Variants in ANO1 observed in about 807,000 individuals in gnomAD.
The protein encoded by ANO1 is anoctamin 1, also known as anoctamin-1.
In ANO1, 59 loss-of-function variants were observed where a neutral mutation model predicts 124.0. That is an observed-to-expected ratio of 0.48 (90% CI 0.39 to 0.59). The LOEUF is 0.59. ANO1 is among the 20% of genes least tolerant of loss of function. The pLI is 0.00. For missense variants in ANO1, 1,059 were observed against 1,328.0 expected, an observed-to-expected ratio of 0.80 and a Z score of 3.15; for synonymous variants, 529 against 532.0, an observed-to-expected ratio of 0.99 and a Z score of 0.08.
Position 70,087,868 on chromosome 11 carries a change from C to G in ANO1, c.225C>G (p.Gly75=). ...TGTACCATCACAAGAGGCCCTCGGG[C>G]AACCGGACCCTGGTCAGGAGGGTGC... ...ILVYHHKRPS[G]NRTLVRRVQH... Residue 75 remains glycine (G), a synonymous_variant, in exon 2 of 26, where the codon GGC becomes GGG. Transcript: ENST00000355303. The G allele has an allele frequency of 6.2e-7, 1 of 1,612,596 alleles. No individual in the cohort carries two copies. Among genetic ancestry groups the G allele is most frequent in the Non-Finnish European group, 8.5e-7 (1 of 1,179,628 alleles).
chr11:70,182,437 C>A, intron 23 of ANO1, 65 bp from the exon 24 acceptor site: 1 of 1,375,244 alleles, frequency 7.3e-7, no homozygotes, highest in Non-Finnish European at 9.7e-7. Context: ...GGGTCACCCC[C>A]TGTTGCGGCC....
chr11:70,013,802 A>AC lies in ANO1; in HGVS notation c.58+27636_58+27637insC, dbSNP rs1591034342. 5.3e-5 allele frequency among the ~76,000 whole-genome samples: 8 copies of AC among 149,946 alleles called. No homozygotes were observed. The East Asian group carries it at 1.6e-3, about 30-fold the overall frequency. ...GGGTGACAGAGTGAGCCTCCATCTA[A>AC]AAAAAAGAAAAGAAAAGAAAAGAAA... is the stretch of plus-strand genomic sequence containing the variant. On this transcript the variant is annotated intron_variant, in intron 1 of 27. Transcript: ENST00000531349.
chr11:70,059,180 A>G (rs1273108074), intron 1 of ANO1, among the ~76,000 whole-genome samples: 24 of 151,450 alleles, frequency 1.6e-4, no homozygotes, highest in Admixed American at 1.6e-3. Flanking sequence ...CGACAGAGCC[A>G]GACTCTGTTT....
intron 1 of ANO1, among the ~76,000 whole-genome samples, chr11:70,070,887 C>T (rs1217726786): frequency 1.3e-5 from 2 of 152,220 alleles, no homozygotes; most frequent in Admixed American, 1.3e-4. Flanking sequence ...CCTGGAACCC[C>T]TGCCCAGAAC....
chr11:70,111,523 A>C (rs1377406484), intron 6 of ANO1, among the ~76,000 whole-genome samples, 184 bp from the exon 7 acceptor site: 2 of 152,164 alleles, frequency 1.3e-5, no homozygotes, highest in Non-Finnish European at 2.9e-5. Flanking sequence ...TAGATCAATA[A>C]CCCAGCTGCA....
Position 70,132,061 on chromosome 11 carries a change from G to A in ANO1, c.1240G>A (p.Val414Ile), listed in dbSNP as rs1300715948. The A allele has an allele frequency of 2.5e-6, 4 of 1,597,826 alleles. No homozygotes were observed. Among genetic ancestry groups the A allele is most frequent in the Admixed American group, 3.4e-5 (2 of 59,070 alleles). ...FDNPATVFFSVFMALWAATFM... is the reference protein window; with the variant it reads ...FDNPATVFFSIFMALWAATFM... ...CAACCCCGCCACGGTCTTCTTCTCT[G>A]TCTTCATGGCCCTCTGGGGTAAGCA... Residue 414 changes from valine (V) to isoleucine (I), a missense_variant, in exon 11 of 26, where the codon GTC (valine) becomes ATC (isoleucine). By Grantham distance (29) the Val-to-Ile change is conservative. Around this residue, in one of 2 missense-constraint regions of ANO1, gnomAD observed 809 missense variants for 1,094.9 expected, o/e 0.74. Coordinates refer to ENST00000355303, the MANE Select transcript of ANO1 (RefSeq NM_018043.7).
intron 22 of ANO1, among the ~76,000 whole-genome samples, chr11:70,172,821 A>C (rs1261173571): frequency 3.3e-5 from 5 of 152,068 alleles, no homozygotes; most frequent in Admixed American, 3.3e-4. Context: ...AGCCGAGATC[A>C]TGCGATTGCA....
At chr11:69,994,972 T>C (rs1856231208) in intron 1 of ANO1, among the ~76,000 whole-genome samples, 2 of 152,210 alleles carry the variant, frequency 1.3e-5, no homozygotes, top group Non-Finnish European at 2.9e-5. Flanking sequence ...GTTTTAGCTC[T>C]ACAGAATTAT....
chr11:70,155,348 G>A (rs1373473189), intron 14 of ANO1, among the ~76,000 whole-genome samples: 1 of 152,194 alleles, frequency 6.6e-6, no homozygotes, highest in Non-Finnish European at 1.5e-5. Flanking sequence ...ACAGAGGCAT[G>A]GGGGTTTACT....
upstream of ANO1, among the ~76,000 whole-genome samples, chr11:69,983,354 G>A (rs1223683662): frequency 6.6e-6 from 1 of 152,150 alleles, no homozygotes; most frequent in Non-Finnish European, 1.5e-5. Context: ...GCCAAAAAGG[G>A]AAACCATTTT....
chr11:69,966,025 G>A, the ANO1 span, among the ~76,000 whole-genome samples: 1 of 152,128 alleles, frequency 6.6e-6, no homozygotes, highest in Non-Finnish European at 1.5e-5. Context: ...TCATGAGATG[G>A]AGATATACAG....
chr11:70,023,935 T>C (rs114701379), intron 1 of ANO1, among the ~76,000 whole-genome samples: 1,798 of 152,366 alleles, frequency 0.012, 44 homozygotes, highest in African/African-American at 0.04. Flanking sequence ...GGTGGTTCAC[T>C]GCAACCTACC....
At chr11:70,073,186 C>T (rs1457217589) in intron 1 of ANO1, among the ~76,000 whole-genome samples, 1 of 152,154 alleles carries the variant, frequency 6.6e-6, no homozygotes, top group Non-Finnish European at 1.5e-5. Flanking sequence ...GCAGAGTGGG[C>T]AGGTGCTGTC....
intron 1 of ANO1, among the ~76,000 whole-genome samples, chr11:70,036,649 C>T (rs1369475922): frequency 3.3e-5 from 5 of 152,266 alleles, no homozygotes; most frequent in Admixed American, 6.5e-5. Flanking sequence ...GCTTTGTCGC[C>T]CAGGCTGGAG....
intron 1 of ANO1, among the ~76,000 whole-genome samples, chr11:70,019,655 A>T (rs1856766172): frequency 6.6e-6 from 1 of 151,934 alleles, no homozygotes; most frequent in Non-Finnish European, 1.5e-5. Context: ...ATTGGCAAAC[A>T]CTCTAAGTCA....
intron 1 of ANO1, among the ~76,000 whole-genome samples, chr11:70,032,535 AG>A (rs140080009): frequency 0.06 from 8,268 of 138,542 alleles, 426 homozygotes; most frequent in East Asian, 0.28. Context: ...GAGGCGGGAG[AG>A]GGGGGGGGTC....
intron 1 of ANO1, among the ~76,000 whole-genome samples, chr11:70,005,912 A>G (rs1268176659): frequency 6.6e-6 from 1 of 152,238 alleles, no homozygotes; most frequent in African/African-American, 2.4e-5. Context: ...GCAATAGAAC[A>G]GTTGTGGACC....
At chr11:70,153,767 T>A (rs2047693177) in intron 14 of ANO1, among the ~76,000 whole-genome samples, 2 of 151,874 alleles carry the variant, frequency 1.3e-5, no homozygotes, top group Admixed American at 6.6e-5. Flanking sequence ...GTTTGTATGT[T>A]TGTTTGTTTG....
the ANO1 span, among the ~76,000 whole-genome samples, chr11:69,975,222 C>T: frequency 5.9e-5 from 9 of 152,216 alleles, no homozygotes; most frequent in Admixed American, 5.9e-4. Flanking sequence ...GGCCCAGCTG[C>T]CAGGGAGATG....
Sources: allele counts gnomAD v4.1 joint callset (sites outside exome capture counted in the v4.1 genomes callset), GRCh38; gene constraint gnomAD v4.1.1; regional missense constraint gnomAD v4.1.1; transcripts MANE v1.5; gene names NCBI Gene and HGNC (gene_info 2026-07-23, HGNC 2026-07-21).